The following FKBP1A variants were observed in gnomAD, a reference collection of about 807,000 sequenced individuals.
The protein encoded by FKBP1A is peptidyl-prolyl cis-trans isomerase FKBP1A.
FKBP1A carries 5 observed loss-of-function variants against 14.2 expected under a neutral mutation model. The ratio of observed to expected loss-of-function variants is 0.35; its 90% CI spans 0.18 to 0.74. The LOEUF (loss-of-function observed/expected upper bound fraction) is 0.74, where lower values mean the gene tolerates loss of function less well. FKBP1A is among the 30% of genes least tolerant of loss of function. The pLI is 0.56. For synonymous variants in FKBP1A, 42 were observed against 49.1 expected (o/e 0.86, Z 0.60); for missense variants, 53 against 138.8 (o/e 0.38, Z 3.10).
chr20:1,370,569 T>C, intron 4 of FKBP1A: 32 of 985,442 alleles, frequency 3.2e-5, no homozygotes, highest in Non-Finnish European at 3.9e-5. Context: ...TAATGTTGAG[T>C]ATACTGGGAA....
At chr20:1,388,207 A>AT (rs1406734221) in intron 2 of FKBP1A, among the ~76,000 whole-genome samples, 1 of 152,262 alleles carries the variant, frequency 6.6e-6, no homozygotes, top group African/African-American at 2.4e-5. Context: ...CACTTAAAAG[A>AT]TTAAACATCC....
rs1217934386 is a variant in FKBP1A, at chr20:1,379,122, G to A, written c.86-3519C>T. 6.6e-6 allele frequency among the ~76,000 whole-genome samples: 1 copy of A among 152,018 alleles called. No homozygotes were observed. Among genetic ancestry groups the A allele is most frequent in the Non-Finnish European group, 1.5e-5 (1 of 68,022 alleles). On this transcript the variant is annotated intron_variant, in intron 2 of 4. Coordinates refer to ENST00000400137, the MANE Select transcript of FKBP1A (RefSeq NM_000801.5). This position sits in a 1 kb window ranked among gnomAD's most constrained non-coding sequence, Gnocchi z 4.3. ...ATTAGCCTTATTTCTTGCCAAACTT[G>A]AACACGGCTCTGACCTGTGCAAGAT...
intron 2 of FKBP1A, among the ~76,000 whole-genome samples, chr20:1,381,149 A>T (rs1453914215): frequency 6.6e-6 from 1 of 152,230 alleles, no homozygotes; most frequent in African/African-American, 2.4e-5. Context: ...AAGCACTGTT[A>T]AGAAAATGAA....
chr20:1,370,055 G>A lies in FKBP1A; in HGVS notation c.*54C>T, dbSNP rs769654835. 25 of 1,549,844 alleles carry A rather than the reference G, an allele frequency of 1.6e-5. No individual in the cohort carries two copies. The South Asian group carries it at 3.0e-4, about 18-fold the overall frequency. Reference sequence around the variant, plus strand: ...CATGTGCACATGTCTGGAGGCACCAGATCCCTCCATGGCAGATCTGTTGGG... The same window carrying A: ...CATGTGCACATGTCTGGAGGCACCAAATCCCTCCATGGCAGATCTGTTGGG... On this transcript the variant is annotated 3_prime_UTR_variant, in exon 5 of 5. Coordinates refer to ENST00000400137, the MANE Select transcript of FKBP1A (RefSeq NM_000801.5).
At chr20:1,378,407 G>T (rs1036460426) in intron 2 of FKBP1A, 21 of 152,348 alleles carry the variant, frequency 1.4e-4, no homozygotes, top group African/African-American at 4.9e-4. Flanking sequence ...GGAGCACAGA[G>T]AATTTTTAGG....
In FKBP1A at chr20:1,369,992, A is replaced by G. The variant is rs1297775159; in HGVS notation, c.*117T>C. 6 of 1,548,010 alleles carry G rather than the reference A, an allele frequency of 3.9e-6. No homozygotes were observed. The highest frequency in any genetic ancestry group is 2.4e-5 in the South Asian group (2 of 83,788). Reference sequence around the variant, plus strand: ...TTCAGTCAGGGCAGATGTCTATACAAAGTGGAGTGGAACATCAGGAAAAGC... The same window carrying G: ...TTCAGTCAGGGCAGATGTCTATACAGAGTGGAGTGGAACATCAGGAAAAGC... On this transcript the variant is annotated 3_prime_UTR_variant, in exon 5 of 5. Transcript: ENST00000400137.
intron 2 of FKBP1A, among the ~76,000 whole-genome samples, chr20:1,381,337 T>C (rs925135070): frequency 2.6e-5 from 4 of 152,178 alleles, no homozygotes; most frequent in African/African-American, 4.8e-5. Context: ...GAAAAGATGC[T>C]AAACATTCCT....
chr20:1,370,546 A>C, intron 4 of FKBP1A: 1 of 985,380 alleles, frequency 1.0e-6, no homozygotes, highest in South Asian at 4.7e-5. Context: ...ACTGAGAATA[A>C]ACTGGTCATT....
intron 2 of FKBP1A, among the ~76,000 whole-genome samples, chr20:1,383,731 G>C (rs2089641554): frequency 1.4e-4 from 1 of 7,190 alleles, no homozygotes; most frequent in Non-Finnish European, 2.6e-4. Context: ...CTAGCTACTT[G>C]AGTGGATCAA....
chr20:1,388,354 T>C (rs1262589974), intron 2 of FKBP1A, among the ~76,000 whole-genome samples: 1 of 152,244 alleles, frequency 6.6e-6, no homozygotes, highest in African/African-American at 2.4e-5. Context: ...GTAAGGACTC[T>C]TCTAGACTGA....
intron 3 of FKBP1A, 62 bp from the exon 4 acceptor site, chr20:1,372,302 A>G: frequency 6.4e-7 from 1 of 1,574,266 alleles, no homozygotes; most frequent in Non-Finnish European, 8.7e-7. Context: ...CTCTGTAAGA[A>G]AAAGAGCTGT....
chr20:1,376,058 AT>A (rs2089538690), intron 2 of FKBP1A, among the ~76,000 whole-genome samples: 1 of 152,138 alleles, frequency 6.6e-6, no homozygotes. Context: ...GTGTGTATAT[AT>A]TGCTCCTCCA....
At chr20:1,385,458 A>G (rs1194580119) in intron 2 of FKBP1A, among the ~76,000 whole-genome samples, 1 of 152,096 alleles carries the variant, frequency 6.6e-6, no homozygotes, top group East Asian at 1.9e-4. Context: ...CATTTTCTAT[A>G]GGGTATAATG....
At chr20:1,392,909 G>A (rs2089758849) in intron 1 of FKBP1A, 28 bp from the exon 2 acceptor site, 1 of 1,507,986 alleles carries the variant, frequency 6.6e-7, no homozygotes, top group Non-Finnish European at 8.9e-7. Flanking sequence ...GGCATGCTGA[G>A]CCGATGCGCG....
At chr20:1,380,780 T>C (rs938725193) in intron 2 of FKBP1A, among the ~76,000 whole-genome samples, 2 of 152,186 alleles carry the variant, frequency 1.3e-5, no homozygotes, top group African/African-American at 2.4e-5. Flanking sequence ...AGGAGACTTA[T>C]CAATCAATTG....
Position 1,375,361 on chromosome 20 carries a change from G to A in FKBP1A, c.198+130C>T. Reference sequence around the variant, plus strand: ...AACAGGAGCTTCTTGTGGGGGTATTGGTCAGATGGGATGGCATGAGGGTGA... The same window carrying A: ...AACAGGAGCTTCTTGTGGGGGTATTAGTCAGATGGGATGGCATGAGGGTGA... On this transcript the variant is annotated intron_variant, in intron 3 of 4. Coordinates refer to ENST00000400137, the MANE Select transcript of FKBP1A (RefSeq NM_000801.5). The A allele has an allele frequency of 6.1e-6, 4 of 652,904 alleles. No individual in the cohort carries two copies. The South Asian group carries it at 7.7e-5, about 13-fold the overall frequency. The allele number at this position is 652,904 out of a possible 1,614,324, so 40.4% of individuals were successfully genotyped here. A position where few individuals can be genotyped will look rare whatever the true frequency, so the allele number is the denominator to read the frequency against.
At chr20:1,391,691 C>A in intron 2 of FKBP1A, 1 of 398,196 alleles carries the variant, frequency 2.5e-6, no homozygotes, top group East Asian at 3.6e-5. Flanking sequence ...GGAGCTTATT[C>A]GTGAGCAACT....
At chr20:1,388,490 C>T (rs1052875179) in intron 2 of FKBP1A, among the ~76,000 whole-genome samples, 10 of 152,176 alleles carry the variant, frequency 6.6e-5, no homozygotes, top group African/African-American at 1.7e-4. Flanking sequence ...ATCGTTACTC[C>T]CATTTTATAG....
At chr20:1,370,268 T>C in intron 4 of FKBP1A, 196 bp from the exon 5 acceptor site, 1 of 985,412 alleles carries the variant, frequency 1.0e-6, no homozygotes, top group Non-Finnish European at 1.2e-6. Context: ...ACTTTCTCCT[T>C]AAATTGATCT....
Sources: allele counts gnomAD v4.1 joint callset (sites outside exome capture counted in the v4.1 genomes callset), GRCh38; gene constraint gnomAD v4.1.1; non-coding constraint Gnocchi (gnomAD v3.1); transcripts MANE v1.5; gene names NCBI Gene and HGNC (gene_info 2026-07-23, HGNC 2026-07-21).